The following MYH1 variants were observed in gnomAD, a reference collection of about 807,000 sequenced individuals.
MYH1 encodes the protein myosin heavy chain 1, also known as myosin-1.
In MYH1, 214 loss-of-function variants were observed where a neutral mutation model predicts 225.6. The ratio of observed to expected loss-of-function variants is 0.95; its 90% CI spans 0.85 to 1.06. The LOEUF (loss-of-function observed/expected upper bound fraction) is 1.06. Among genes scored for constraint, MYH1 ranks in the 50% least tolerant of loss-of-function variants. The probability of loss-of-function intolerance (pLI) is 0.00; values close to 1 mark genes in which losing one functional copy is unlikely to be tolerated. For missense variants in MYH1, 2,098 were observed against 2,344.2 expected (o/e 0.89, Z 2.17); for synonymous variants, 774 against 842.3 (o/e 0.92, Z 1.40).
rs1234094684 is a variant in MYH1, at chr17:10,494,936, C to A, written c.5461G>T (p.Ala1821Ser). 4 of 1,614,122 alleles carry A rather than the reference C, an allele frequency of 2.5e-6. No individual in the cohort carries two copies. Among genetic ancestry groups the A allele is most frequent in the Non-Finnish European group, 3.4e-6 (4 of 1,180,000 alleles). ...GGKKQIQKLE[A>S]RVRELEGEVE... is the part of the protein sequence containing the mutation. ...ATGCTGATTAGGAGACCCACCCTGG[C>A]CTCCAGTTTCTGGATCTGCTTCTTC... The change falls in exon 37 of 40, where the codon GCC becomes TCC. Residue 1821 changes from alanine (A) to serine (S), a missense_variant. Ala to Ser is a moderately conservative substitution (Grantham distance 99, BLOSUM62 1). Coordinates refer to ENST00000226207, the MANE Select transcript of MYH1 (RefSeq NM_005963.4).
intron 25 of MYH1, 24 bp from the exon 26 acceptor site, chr17:10,501,708 A>C: frequency 6.2e-7 from 1 of 1,614,088 alleles, no homozygotes; most frequent in Non-Finnish European, 8.5e-7. Context: ...CCTTTATGTC[A>C]GTCTCAGAAA....
rs1352177332 is a variant in MYH1, at chr17:10,505,304, G to A, written c.2299-5C>T. The A allele has an allele frequency of 6.2e-7, 1 of 1,614,028 alleles. No individual in the cohort carries two copies. Among genetic ancestry groups the A allele is most frequent in the African/African-American group, 1.3e-5 (1 of 74,894 alleles). ...AAGACCAGCTTTGAAAAAGACCTAT[G>A]TGTGGGAAGAATTTCAGATCAGAAA... is the stretch of plus-strand genomic sequence containing the variant. On this transcript the variant is annotated splice_region_variant and splice_polypyrimidine_tract_variant and intron_variant, in intron 20 of 39. Transcript: ENST00000226207.
rs914388040 is a variant in MYH1, at chr17:10,494,841, T to G, written c.5466+90A>C. On this transcript the variant is annotated intron_variant, in intron 37 of 39. Transcript: ENST00000226207. Reference sequence around the variant, plus strand: ...AGGGAATAGCTCTCCCTCATCTCAGTATGCCCCACATCATCTAGCAGTGCT... The same window carrying G: ...AGGGAATAGCTCTCCCTCATCTCAGGATGCCCCACATCATCTAGCAGTGCT... 7 of 1,608,856 alleles carry G rather than the reference T, an allele frequency of 4.4e-6. No homozygotes were observed. In the African/African-American group the frequency reaches 9.3e-5, roughly 21 times the overall value.
At position 10,515,970 on chromosome 17, in the gene MYH1, T is replaced by A; in HGVS notation, c.461A>T (p.His154Leu). The A allele has an allele frequency of 6.2e-7, 1 of 1,614,204 alleles. No homozygotes were observed. Among genetic ancestry groups the A allele is most frequent in the Admixed American group, 1.7e-5 (1 of 60,034 alleles). ...GGCATTGTCAGAGATGGAGAAGATG[T>A]GGGGTGGGGCCTCCTGGCGCTTTTT... Reference protein sequence around the residue: ...RGKKRQEAPPHIFSISDNAYQ... With the variant: ...RGKKRQEAPPLIFSISDNAYQ... Residue 154 changes from histidine to leucine, a missense_variant, in exon 5 of 40, where the codon CAC becomes CTC. His to Leu is a moderately conservative substitution (Grantham distance 99, BLOSUM62 -3). Transcript: ENST00000226207.
In MYH1 at chr17:10,496,074, G is replaced by T. The variant is rs767247683; in HGVS notation, c.5045C>A (p.Ala1682Asp). 3 of 1,614,112 alleles carry T rather than the reference G, an allele frequency of 1.9e-6. No homozygotes were observed. The highest frequency in any genetic ancestry group is 1.7e-5 in the Admixed American group (1 of 60,026). The change falls in exon 35 of 40, where the codon GCC becomes GAC. Residue 1682 changes from alanine to aspartate, a missense_variant. Transcript: ENST00000226207. Reference protein sequence around the residue: ...KEQLAMVERRANLLQAEIEEL... With the variant: ...KEQLAMVERRDNLLQAEIEEL... ...CTCGATCTCAGCCTGCAGCAGGTTG[G>T]CTCTGCGCTCCACCATAGCCAGCTG...
intron 15 of MYH1, 72 bp downstream of exon 15, chr17:10,509,413 A>T (rs973565202): frequency 1.2e-5 from 19 of 1,601,512 alleles, no homozygotes; most frequent in Middle Eastern, 3.3e-4. Flanking sequence ...CATTGCCTAT[A>T]TCAAGATTTT....
At position 10,508,403 on chromosome 17, in the gene MYH1, A is replaced by C. The variant is rs376937545; in HGVS notation, c.1857T>G (p.Thr619=). The C allele has an allele frequency of 6.2e-7, 1 of 1,612,704 alleles. No individual in the cohort carries two copies. Among genetic ancestry groups the C allele is most frequent in the African/African-American group, 1.3e-5 (1 of 74,880 alleles). ...TTGCCCCAACAAAGAGGAGAGCCAG[A>C]GTCTTCATTGCAGACTTCTGGTACA... is the stretch of plus-strand genomic sequence containing the variant. ...VGLYQKSAMK[T]LALLFVGATG... The change falls in exon 16 of 40, where the codon ACT becomes ACG. Residue 619 remains threonine (T), a synonymous_variant. Transcript: ENST00000226207.
At position 10,505,466 on chromosome 17, in the gene MYH1, G is replaced by A. The variant is rs777934654; in HGVS notation, c.2220C>T (p.Ile740=). The change falls in exon 20 of 40, where the codon ATC becomes ATT. Residue 740 remains isoleucine (I), a synonymous_variant. Coordinates refer to ENST00000226207, the MANE Select transcript of MYH1 (RefSeq NM_005963.4). ...NASAIPEGQF[I]DSKKASEKLL... is the part of the protein sequence containing the mutation. ...GCTTCTCTGAAGCCTTCTTGCTATCGATGAATTGTCCTTCAGGGATAGCAC... is the reference window on the plus strand; with the variant it reads ...GCTTCTCTGAAGCCTTCTTGCTATCAATGAATTGTCCTTCAGGGATAGCAC... The A allele has an allele frequency of 9.3e-6, 15 of 1,613,940 alleles. No individual in the cohort carries two copies. Among genetic ancestry groups the A allele is most frequent in the East Asian group, 4.5e-5 (2 of 44,896 alleles).
At position 10,514,893 on chromosome 17, in the gene MYH1, G is replaced by A. The variant is rs769113864; in HGVS notation, c.508C>T (p.Arg170Trp). ...GTGATCAAGATAGACTGATTCTCCCGATCTAGAAGAAAAACAGTGGAAAAT... is the reference window on the plus strand; with the variant it reads ...GTGATCAAGATAGACTGATTCTCCCAATCTAGAAGAAAAACAGTGGAAAAT... ...DNAYQFMLTD[R>W]ENQSILITGE... is the part of the protein sequence containing the mutation. The change falls in exon 6 of 40, where the codon CGG (arginine) becomes TGG (tryptophan). Residue 170 changes from arginine to tryptophan, a missense_variant and splice_region_variant. Coordinates refer to ENST00000226207, the MANE Select transcript of MYH1 (RefSeq NM_005963.4). 1.5e-5 allele frequency: 24 copies of A among 1,612,184 alleles called. No homozygotes were observed. The highest frequency in any genetic ancestry group is 6.6e-5 in the South Asian group (6 of 91,006).
chr17:10,497,475 G>T (rs1172529036), intron 31 of MYH1, 23 bp from the exon 32 acceptor site: 1 of 1,589,150 alleles, frequency 6.3e-7, no homozygotes, highest in Non-Finnish European at 8.5e-7. Flanking sequence ...GAATGGACAA[G>T]AAATTTAGTG....
At chr17:10,502,016 A>T (rs2073063334) in intron 24 of MYH1, 105 bp from the exon 25 acceptor site, 9 of 1,161,304 alleles carry the variant, frequency 7.7e-6, no homozygotes, top group Non-Finnish European at 1.1e-5. Flanking sequence ...TTTTTCTATG[A>T]ATTAGGCAGA....
intron 2 of MYH1, 44 bp from the exon 3 acceptor site, chr17:10,516,726 C>T: frequency 6.6e-7 from 1 of 1,512,130 alleles, no homozygotes; most frequent in Non-Finnish European, 9.0e-7. Context: ...AGAAACTGGA[C>T]CATTAGATTC....
Position 10,508,789 on chromosome 17 carries a change from C to A in MYH1, c.1588-117G>T, listed in dbSNP as rs919551611. On this transcript the variant is annotated intron_variant, in intron 15 of 39. Coordinates refer to ENST00000226207, the MANE Select transcript of MYH1 (RefSeq NM_005963.4). ...TCATCCTTTAATTCTACAGAGTTAA[C>A]GAAAACTCGTTCCTTTGGTCAGAAG... 6.4e-6 allele frequency: 9 copies of A among 1,402,782 alleles called. No homozygotes were observed. The South Asian group carries it at 1.2e-4, about 18-fold the overall frequency. 86.9% of individuals were successfully genotyped at this position (1,402,782 alleles called of 1,614,324 possible).
intron 30 of MYH1, 76 bp downstream of exon 30, chr17:10,498,550 G>A: frequency 1.3e-6 from 2 of 1,588,784 alleles, no homozygotes; most frequent in Non-Finnish European, 1.7e-6. Flanking sequence ...GTCCCAGAAT[G>A]TTTTTTCCCT....
At position 10,507,969 on chromosome 17, in the gene MYH1, A is replaced by C; in HGVS notation, c.1898-13T>G. 1 of 1,608,848 alleles carries C rather than the reference A, an allele frequency of 6.2e-7. No homozygotes were observed. Among genetic ancestry groups the C allele is most frequent in the Non-Finnish European group, 8.5e-7 (1 of 1,175,614 alleles). ...CCACCGCCAGCCTCTGAGGGGAAAAAGAAAGCAATCATAGGACAGCCTTTC... is the reference window on the plus strand; with the variant it reads ...CCACCGCCAGCCTCTGAGGGGAAAACGAAAGCAATCATAGGACAGCCTTTC... On this transcript the variant is annotated splice_polypyrimidine_tract_variant and intron_variant, in intron 16 of 39. Coordinates refer to ENST00000226207, the MANE Select transcript of MYH1 (RefSeq NM_005963.4).
intron 15 of MYH1, among the ~76,000 whole-genome samples, 198 bp downstream of exon 15, chr17:10,509,287 G>A (rs1207802790): frequency 1.3e-5 from 2 of 152,144 alleles, no homozygotes; most frequent in Non-Finnish European, 2.9e-5. Context: ...CTGTGGGTAA[G>A]TGTTGTGTTC....
Position 10,511,872 on chromosome 17 carries a change from C to T in MYH1, c.1383G>A (p.Gly461=), listed in dbSNP as rs1322343069. The part of the protein sequence containing the change: ...DTKQPRQYFI[G]VLDIAGFEIF... Reference sequence around the variant, plus strand: ...TCTCAAAGCCAGCAATGTCCAAGACCCCAATGAAGTACTGCCTGGGCTGCT... The same window carrying T: ...TCTCAAAGCCAGCAATGTCCAAGACTCCAATGAAGTACTGCCTGGGCTGCT... The change falls in exon 14 of 40, where the codon GGG becomes GGA. Residue 461 remains glycine, a synonymous_variant. Transcript: ENST00000226207. 5 of 1,614,142 alleles carry T rather than the reference C, an allele frequency of 3.1e-6. No homozygotes were observed. Among genetic ancestry groups the T allele is most frequent in the South Asian group, 1.1e-5 (1 of 91,080 alleles).
intron 16 of MYH1, 30 bp from the exon 17 acceptor site, chr17:10,507,986 C>A: frequency 6.6e-7 from 1 of 1,512,472 alleles, no homozygotes; most frequent in Non-Finnish European, 9.1e-7. Context: ...AATCATAGGA[C>A]AGCCTTTCTC....
chr17:10,512,478 C>T lies in MYH1; in HGVS notation c.1077G>A (p.Val359=), dbSNP rs1346067956. 1 of 1,614,012 alleles carries T rather than the reference C, an allele frequency of 6.2e-7. No homozygotes were observed. The highest frequency in any genetic ancestry group is 1.3e-5 in the African/African-American group (1 of 74,926). ...TGAATTTCATGTTCCCATAATGCAT[C>T]ACAGCCCCTGTGAGCTTATAGATGG... ...RVSIYKLTGA[V]MHYGNMKFKQ... The change falls in exon 12 of 40, where the codon GTG becomes GTA. Residue 359 remains valine (V), a synonymous_variant. Coordinates refer to ENST00000226207, the MANE Select transcript of MYH1 (RefSeq NM_005963.4).
Sources: allele counts gnomAD v4.1 joint callset (sites outside exome capture counted in the v4.1 genomes callset), GRCh38; gene constraint gnomAD v4.1.1; transcripts MANE v1.5; gene names NCBI Gene and HGNC (gene_info 2026-07-23, HGNC 2026-07-21).